The following GSTO2 variants were observed in gnomAD, a reference collection of about 807,000 sequenced individuals.
GSTO2 encodes the protein glutathione S-transferase omega-2.
A neutral mutation model predicts 28.4 loss-of-function variants in GSTO2; 23 were observed. That is an observed-to-expected ratio of 0.81 (90% CI 0.58 to 1.15). GSTO2 has a LOEUF of 1.15. Among genes scored for constraint, GSTO2 ranks in the 50% most tolerant of loss-of-function variants. The probability of loss-of-function intolerance (pLI) is 0.00; values close to 1 mark genes in which losing one functional copy is unlikely to be tolerated. For missense variants in GSTO2, 298 were observed against 297.8 expected (o/e 1.00, Z 0.00); for synonymous variants, 109 against 111.0 (o/e 0.98, Z 0.11).
At position 104,299,484 on chromosome 10, in the gene GSTO2, C is replaced by CA; in HGVS notation, c.*200_*201insA. 4.2e-6 allele frequency: 2 copies of CA among 474,422 alleles called. No individual in the cohort carries two copies. Among genetic ancestry groups the CA allele is most frequent in the Non-Finnish European group, 7.2e-6 (2 of 279,374 alleles). 29.4% of individuals were successfully genotyped at this position (474,422 alleles called of 1,614,324 possible). On this transcript the variant is annotated 3_prime_UTR_variant, in exon 7 of 7. Coordinates refer to ENST00000338595, the MANE Select transcript of GSTO2 (RefSeq NM_183239.2). ...CTGCTGCTACTGCTGCTTTTTTTTC[C>CA]TTTTTTTTTTTGAGGCAAGATCTTG...
intron 5 of GSTO2, among the ~76,000 whole-genome samples, chr10:104,289,722 A>C (rs2012662168): frequency 6.6e-6 from 1 of 152,230 alleles, no homozygotes; most frequent in South Asian, 2.1e-4. Flanking sequence ...TGAAATCTTA[A>C]GAACCTCCAT....
At chr10:104,282,783 C>A (rs1197801728) in intron 5 of GSTO2, among the ~76,000 whole-genome samples, 3 of 152,070 alleles carry the variant, frequency 2.0e-5, no homozygotes, top group Non-Finnish European at 2.9e-5. Flanking sequence ...AAATGTGATG[C>A]TTTTCACTAA....
chr10:104,274,818 G>A lies in GSTO2; in HGVS notation c.-98G>A. The A allele has an allele frequency of 7.0e-7, 1 of 1,438,814 alleles. No individual in the cohort carries two copies. Among genetic ancestry groups the A allele is most frequent in the Non-Finnish European group, 9.6e-7 (1 of 1,044,714 alleles). The allele number at this position is 1,438,814 out of a possible 1,614,324, so 89.1% of individuals were successfully genotyped here. A position where few individuals can be genotyped will look rare whatever the true frequency, so the allele number is the denominator to read the frequency against. On this transcript the variant is annotated 5_prime_UTR_variant, in exon 2 of 7. Coordinates refer to ENST00000338595, the MANE Select transcript of GSTO2 (RefSeq NM_183239.2). ...AAATTAAATTTGGGGCAAGGGGTGC[G>A]CGCCAGAGCGCAGCTGTTTCTGGAG...
chr10:104,276,766 C>T (rs1377413377), intron 3 of GSTO2, among the ~76,000 whole-genome samples: 3 of 152,196 alleles, frequency 2.0e-5, no homozygotes, highest in African/African-American at 4.8e-5. Flanking sequence ...GCCACCTCAT[C>T]CAGCCTCTGC....
At chr10:104,272,904 A>T (rs757955843) in intron 1 of GSTO2, among the ~76,000 whole-genome samples, 7 of 151,830 alleles carry the variant, frequency 4.6e-5, no homozygotes, top group Non-Finnish European at 1.0e-4. Context: ...GAGCCACCGC[A>T]CCCGGCCCAG....
At chr10:104,294,255 A>G (rs1424300849) in intron 5 of GSTO2, among the ~76,000 whole-genome samples, 1 of 152,208 alleles carries the variant, frequency 6.6e-6, no homozygotes, top group Admixed American at 6.5e-5. Context: ...TGTAATGATC[A>G]TGGTAGAAAT....
intron 5 of GSTO2, among the ~76,000 whole-genome samples, chr10:104,284,494 C>T (rs2012294742): frequency 6.6e-6 from 1 of 152,214 alleles, no homozygotes; most frequent in African/African-American, 2.4e-5. Flanking sequence ...TAGCAGCCTG[C>T]TCACTGGCTT....
intron 1 of GSTO2, among the ~76,000 whole-genome samples, chr10:104,270,114 C>T (rs373247126): frequency 6.6e-6 from 1 of 151,980 alleles, no homozygotes; most frequent in East Asian, 1.9e-4. Context: ...CCCGGGTTCA[C>T]GCCATTCTCC....
At chr10:104,285,486 G>A (rs893826293) in intron 5 of GSTO2, among the ~76,000 whole-genome samples, 1 of 151,796 alleles carries the variant, frequency 6.6e-6, no homozygotes, top group East Asian at 1.9e-4. Context: ...GTCGCACTCT[G>A]TCACCCACAT....
Position 104,274,927 on chromosome 10 carries a change from T to A in GSTO2, c.12T>A (p.Asp4Glu). 4 of 1,609,928 alleles carry A rather than the reference T, an allele frequency of 2.5e-6. No homozygotes were observed. The highest frequency in any genetic ancestry group is 3.4e-6 in the Non-Finnish European group (4 of 1,178,522). MSGDATRTLGKGSQ... is the reference protein window; with the variant it reads MSGEATRTLGKGSQ... ...ACCACCTGGAGACCATGTCTGGGGA[T>A]GCGACCAGGACCCTGGGGAAAGGTG... The change falls in exon 2 of 7, where the codon GAT (aspartate) becomes GAA (glutamate). Residue 4 changes from aspartate (D) to glutamate (E), a missense_variant. By Grantham distance (45) the Asp-to-Glu change is conservative (BLOSUM62 2). Coordinates refer to ENST00000338595, the MANE Select transcript of GSTO2 (RefSeq NM_183239.2).
chr10:104,277,984 C>CT lies in GSTO2; in HGVS notation c.234_235insT (p.Gln79SerfsTer7), dbSNP rs2011743936. On this transcript the variant is annotated frameshift_variant, in exon 4 of 7. Coordinates refer to ENST00000338595, the MANE Select transcript of GSTO2 (RefSeq NM_183239.2). LOFTEE classifies it high-confidence loss of function. ...GCCACATTCCTGTCCTGGAGACCAG[C>CT]CAATGTCAACTGATCTATGAATCTG... 1 of 1,613,726 alleles carries CT rather than the reference C, an allele frequency of 6.2e-7. No homozygotes were observed. The highest frequency in any genetic ancestry group is 2.2e-5 in the East Asian group (1 of 44,878).
intron 5 of GSTO2, among the ~76,000 whole-genome samples, chr10:104,282,943 T>C (rs2135112896): frequency 1.3e-5 from 2 of 152,304 alleles, no homozygotes; most frequent in Middle Eastern, 3.4e-3. Context: ...TTTAGGAATG[T>C]CATTAGTGGG....
chr10:104,302,821 G>T lies in GSTO2; in HGVS notation c.*3537G>T, dbSNP rs1161541231. 2.6e-5 allele frequency: 4 copies of T among 152,188 alleles called. No individual in the cohort carries two copies. The highest frequency in any genetic ancestry group is 9.7e-5 in the African/African-American group (4 of 41,428). The allele number at this position is 152,188 out of a possible 1,614,324, so 9.4% of individuals were successfully genotyped here. A position where few individuals can be genotyped will look rare whatever the true frequency, so the allele number is the denominator to read the frequency against. On this transcript the variant is annotated 3_prime_UTR_variant, in exon 7 of 7. Coordinates refer to ENST00000338595, the MANE Select transcript of GSTO2 (RefSeq NM_183239.2). ...CCTCTTGCGCCAGCTCCCACCATGG[G>T]AGATGCCTCGCTCCCCCTTTGCTTT...
chr10:104,278,183 C>A, intron 4 of GSTO2, 67 bp downstream of exon 4: 1 of 1,182,956 alleles, frequency 8.5e-7, no homozygotes, highest in East Asian at 2.5e-5. Flanking sequence ...AACCTCAACC[C>A]ATTTTAAAGC....
chr10:104,284,947 G>T (rs2012326974), intron 5 of GSTO2, among the ~76,000 whole-genome samples: 1 of 152,138 alleles, frequency 6.6e-6, no homozygotes, highest in Admixed American at 6.6e-5. Flanking sequence ...AAAGAGAGCG[G>T]GGAGGGGATA....
chr10:104,279,679 G>A (rs1306400436), intron 5 of GSTO2, among the ~76,000 whole-genome samples: 2 of 152,174 alleles, frequency 1.3e-5, no homozygotes, highest in Admixed American at 1.3e-4. Flanking sequence ...GGGAGGACAT[G>A]CCATGAATTG....
At position 104,274,965 on chromosome 10, in the gene GSTO2, G is replaced by C; in HGVS notation, c.34+16G>C. ...CTGGGGAAAGGTGAGTGCTCTCCATGGGGTCCGCGAGCTGGGGGCGCCGCG... is the reference window on the plus strand; with the variant it reads ...CTGGGGAAAGGTGAGTGCTCTCCATCGGGTCCGCGAGCTGGGGGCGCCGCG... On this transcript the variant is annotated intron_variant, in intron 2 of 6. Coordinates refer to ENST00000338595, the MANE Select transcript of GSTO2 (RefSeq NM_183239.2). 6.3e-7 allele frequency: 1 copy of C among 1,576,272 alleles called. No individual in the cohort carries two copies. The highest frequency in any genetic ancestry group is 8.6e-7 in the Non-Finnish European group (1 of 1,165,456).
rs768279768 is a variant in GSTO2, at chr10:104,272,587, C to CTTTTTTTTTTTTTT, written c.-231-2067_-231-2054dup. Among the ~76,000 whole-genome samples, 55 of 49,304 alleles carry CTTTTTTTTTTTTTT rather than the reference C, an allele frequency of 1.1e-3. 14 individuals carry two copies. Among genetic ancestry groups the CTTTTTTTTTTTTTT allele is most frequent in the East Asian group, 5.3e-3 (6 of 1,124 alleles). 32.3% of individuals were successfully genotyped at this position (49,304 alleles called of 152,430 possible). A position where few individuals can be genotyped will look rare whatever the true frequency, so the allele number is the denominator to read the frequency against. ...GAATCAAAATAGAACAGTTATGGGACTTTTTTTTTTTTTTTTTTTTTTTTT... is the reference window on the plus strand; with the variant it reads ...GAATCAAAATAGAACAGTTATGGGACTTTTTTTTTTTTTTTTTTTTTTTTTTTTTTTTTTTTTTT... On this transcript the variant is annotated intron_variant, in intron 1 of 6. Transcript: ENST00000338595.
chr10:104,270,212 A>G (rs1486574151), intron 1 of GSTO2, among the ~76,000 whole-genome samples: 2 of 151,754 alleles, frequency 1.3e-5, no homozygotes, highest in Non-Finnish European at 2.9e-5. Flanking sequence ...ACGGGGTTTC[A>G]CCGTGTTAGC....
Sources: gnomAD v4.1 joint callset for allele counts (sites outside exome capture counted in the v4.1 genomes callset) on GRCh38, gnomAD v4.1.1 for gene constraint, MANE v1.5 for transcripts, NCBI Gene and HGNC (gene_info 2026-07-23, HGNC 2026-07-21) for gene names.